Variants in RTN1 observed in about 807,000 individuals in gnomAD.
The protein encoded by RTN1 is reticulon 1.
A neutral mutation model predicts 65.5 loss-of-function variants in RTN1; 25 were observed. The ratio of observed to expected loss-of-function variants is 0.38; its 90% CI spans 0.28 to 0.53. The LOEUF is 0.53. Among genes scored for constraint, RTN1 ranks in the 20% least tolerant of loss-of-function variants. RTN1 has a pLI of 0.79. For synonymous variants in RTN1, 471 were observed against 447.6 expected (o/e 1.05, Z -0.66); for missense variants, 983 against 1,025.4 (o/e 0.96, Z 0.57).
At chr14:59,700,153 A>C (rs1308284618) in intron 3 of RTN1, among the ~76,000 whole-genome samples, 1 of 152,178 alleles carries the variant, frequency 6.6e-6, no homozygotes, top group Non-Finnish European at 1.5e-5. Flanking sequence ...AAATAATAAA[A>C]TAATCAGGAA....
intron 3 of RTN1, among the ~76,000 whole-genome samples, chr14:59,706,071 G>A (rs1287901115): frequency 5.9e-5 from 9 of 152,232 alleles, no homozygotes; most frequent in Non-Finnish European, 1.3e-4. Flanking sequence ...ACTGGGCAGA[G>A]AAGATTAACT....
At position 59,850,486 on chromosome 14, in the gene RTN1, C is replaced by T. The variant is rs1390279687; in HGVS notation, c.241+19904G>A. ...CTACTGAATGCATATTGCTTTTGCA[C>T]CATTGTAAAGTTAAAAATCTTAAGC... On this transcript the variant is annotated intron_variant, in intron 1 of 8. Coordinates refer to ENST00000267484, the MANE Select transcript of RTN1 (RefSeq NM_021136.3). 7.9e-5 allele frequency among the ~76,000 whole-genome samples: 12 copies of T among 152,268 alleles called. No homozygotes were observed. The East Asian group carries it at 1.5e-3, about 20-fold the overall frequency.
chr14:59,707,864 C>T (rs577554306), intron 3 of RTN1, among the ~76,000 whole-genome samples: 1 of 152,000 alleles, frequency 6.6e-6, no homozygotes, highest in African/African-American at 2.4e-5. Context: ...GAAACAGGAC[C>T]CAATCAGTAT....
intron 1 of RTN1, among the ~76,000 whole-genome samples, chr14:59,802,802 T>G (rs543387223): frequency 5.3e-5 from 8 of 152,348 alleles, no homozygotes; most frequent in Admixed American, 6.5e-5. Context: ...GCAACTAATT[T>G]TAATTGTAAA....
Position 59,868,356 on chromosome 14 carries a change from C to T in RTN1, c.241+2034G>A, listed in dbSNP as rs558270546. On this transcript the variant is annotated intron_variant, in intron 1 of 8. Coordinates refer to ENST00000267484, the MANE Select transcript of RTN1 (RefSeq NM_021136.3). The surrounding 1 kb of genome is among the most constrained non-coding windows in gnomAD (Gnocchi z 4.0). Reference sequence around the variant, plus strand: ...CCATCTTTCTTCATTCTTCTCCCATCCAAACGTAGTATCATGTTTGATTTT... The same window carrying T: ...CCATCTTTCTTCATTCTTCTCCCATTCAAACGTAGTATCATGTTTGATTTT... Among the ~76,000 whole-genome samples, 1 of 152,166 alleles carries T rather than the reference C, an allele frequency of 6.6e-6. No homozygotes were observed. Among genetic ancestry groups the T allele is most frequent in the African/African-American group, 2.4e-5 (1 of 41,416 alleles).
At chr14:59,820,238 T>A (rs1471104265) in intron 1 of RTN1, among the ~76,000 whole-genome samples, 1 of 146,048 alleles carries the variant, frequency 6.8e-6, no homozygotes, top group African/African-American at 2.5e-5. Flanking sequence ...TTTAATGGGG[T>A]TTTTTTTTTT....
chr14:59,854,782 T>A (rs1384274071), intron 1 of RTN1, among the ~76,000 whole-genome samples: 1 of 152,152 alleles, frequency 6.6e-6, no homozygotes, highest in Non-Finnish European at 1.5e-5. Context: ...ACTAGCTATA[T>A]GATCATAGGT....
At chr14:59,842,240 G>A (rs1018101500) in intron 1 of RTN1, among the ~76,000 whole-genome samples, 1 of 151,362 alleles carries the variant, frequency 6.6e-6, no homozygotes, top group Non-Finnish European at 1.5e-5. Flanking sequence ...TTACCAGGAA[G>A]AACATTCATA....
intron 3 of RTN1, among the ~76,000 whole-genome samples, chr14:59,609,416 C>A (rs1463975930): frequency 2.0e-5 from 3 of 151,484 alleles, no homozygotes; most frequent in African/African-American, 7.3e-5. Flanking sequence ...AATGAGTTCA[C>A]CAAATGATTT....
chr14:59,732,551 T>C (rs896729616), intron 2 of RTN1, among the ~76,000 whole-genome samples: 1 of 152,132 alleles, frequency 6.6e-6, no homozygotes, highest in African/African-American at 2.4e-5. Context: ...TGAGTGACTG[T>C]GTGATCCTGG....
chr14:59,787,855 A>T (rs1304862796), intron 1 of RTN1, among the ~76,000 whole-genome samples: 1 of 151,952 alleles, frequency 6.6e-6, no homozygotes, highest in African/African-American at 2.4e-5. Context: ...CCCATCGTTC[A>T]TTCTTGTATA....
In RTN1 at chr14:59,745,968, T is replaced by C; in HGVS notation, c.755A>G (p.Asp252Gly). Residue 252 changes from aspartate to glycine, a missense_variant, in exon 2 of 9, where the codon GAC (aspartate) becomes GGC (glycine). Transcript: ENST00000267484. ...PAPVEGKIIK[D>G]HLLEESTFAP... ...AAATGTGGATTCTTCCAATAAATGG[T>C]CCTTGATGATTTTTCCCTCCACAGG... 6.2e-7 allele frequency: 1 copy of C among 1,614,084 alleles called. No homozygotes were observed. The highest frequency in any genetic ancestry group is 8.5e-7 in the Non-Finnish European group (1 of 1,180,008).
intron 1 of RTN1, among the ~76,000 whole-genome samples, chr14:59,791,070 C>A (rs1886339263): frequency 6.6e-6 from 1 of 151,942 alleles, no homozygotes; most frequent in Non-Finnish European, 1.5e-5. Flanking sequence ...TTCTCATGTT[C>A]TTTTAAATTT....
At chr14:59,822,037 G>A (rs1002220041) in intron 1 of RTN1, among the ~76,000 whole-genome samples, 26 of 152,304 alleles carry the variant, frequency 1.7e-4, no homozygotes, top group African/African-American at 6.3e-4. Flanking sequence ...TAGAGTGAGT[G>A]AGGGAGGAGT....
intron 3 of RTN1, among the ~76,000 whole-genome samples, chr14:59,648,400 T>C (rs1343152826): frequency 2.8e-4 from 42 of 152,178 alleles, no homozygotes; most frequent in Non-Finnish European, 2.9e-5. Flanking sequence ...ACTGAAACTA[T>C]TCCAACAAAA....
intron 1 of RTN1, among the ~76,000 whole-genome samples, chr14:59,802,748 G>C (rs1183871568): frequency 6.6e-6 from 1 of 152,096 alleles, no homozygotes; most frequent in Non-Finnish European, 1.5e-5. Flanking sequence ...TTATTTTCCC[G>C]ATCTCTGACT....
chr14:59,704,737 G>C (rs1884254862), intron 3 of RTN1, among the ~76,000 whole-genome samples: 1 of 152,124 alleles, frequency 6.6e-6, no homozygotes, highest in Admixed American at 6.5e-5. Context: ...AAGCATCTTG[G>C]GGGAGCCAGT....
intron 1 of RTN1, among the ~76,000 whole-genome samples, chr14:59,863,082 T>A (rs554951299): frequency 1.3e-5 from 2 of 152,256 alleles, no homozygotes; most frequent in South Asian, 2.1e-4. Flanking sequence ...GCTGGATCCA[T>A]CCCTGCTTAC....
rs1460079941 is a variant in RTN1, at chr14:59,794,223, G to A, written c.242-47742C>T. On this transcript the variant is annotated intron_variant, in intron 1 of 8. Coordinates refer to ENST00000267484, the MANE Select transcript of RTN1 (RefSeq NM_021136.3). The surrounding 1 kb of genome is among the most constrained non-coding windows in gnomAD (Gnocchi z 5.1). ...AGACATGTGACTTAAAATTGTTCCA[G>A]TTGAAATTAAACCCTCTTTAATCAC... Among the ~76,000 whole-genome samples the A allele has an allele frequency of 6.6e-6, 1 of 152,162 alleles. No homozygotes were observed. The highest frequency in any genetic ancestry group is 1.9e-4 in the East Asian group (1 of 5,190).
Sources: gnomAD v4.1 joint callset for allele counts (sites outside exome capture counted in the v4.1 genomes callset) on GRCh38, gnomAD v4.1.1 for gene constraint, Gnocchi (gnomAD v3.1) non-coding constraint, MANE v1.5 for transcripts, NCBI Gene and HGNC (gene_info 2026-07-23, HGNC 2026-07-21) for gene names.